The following SMG6 variants were observed in gnomAD, a reference collection of about 807,000 sequenced individuals.
SMG6 encodes the protein SMG6 nonsense mediated mRNA decay factor.
In SMG6, 66 loss-of-function variants were observed where a neutral mutation model predicts 142.2. The ratio of observed to expected loss-of-function variants is 0.46; its 90% CI spans 0.38 to 0.57. SMG6 has a LOEUF of 0.57. Among genes scored for constraint, SMG6 ranks in the 20% least tolerant of loss-of-function variants. The probability of loss-of-function intolerance (pLI) is 0.00; values close to 1 mark genes in which losing one functional copy is unlikely to be tolerated. For missense variants in SMG6, 1,793 were observed against 1,832.0 expected (o/e 0.98, Z 0.39); for synonymous variants, 779 against 702.4 (o/e 1.11, Z -1.72).
At chr17:2,151,205 T>C (rs2070815089) in intron 13 of SMG6, among the ~76,000 whole-genome samples, 1 of 152,218 alleles carries the variant, frequency 6.6e-6, no homozygotes, top group Non-Finnish European at 1.5e-5. Flanking sequence ...CTAGCAGGGT[T>C]TTCCAGATGG....
At chr17:2,214,701 A>G (rs2072963348) in intron 10 of SMG6, among the ~76,000 whole-genome samples, 1 of 152,214 alleles carries the variant, frequency 6.6e-6, no homozygotes, top group African/African-American at 2.4e-5. Context: ...TCCATGCAAA[A>G]TCCTCCCGGT....
intron 15 of SMG6, among the ~76,000 whole-genome samples, chr17:2,080,745 C>T (rs2068396767): frequency 6.6e-6 from 1 of 151,914 alleles, no homozygotes; most frequent in South Asian, 2.1e-4. Context: ...AAGCGATTCT[C>T]TTGCCTCAGC....
chr17:2,199,843 G>C (rs552079336), intron 10 of SMG6: 1 of 151,856 alleles, frequency 6.6e-6, no homozygotes, highest in Admixed American at 6.6e-5. Flanking sequence ...GGGAGGCGGG[G>C]TTGCAGTGAA....
chr17:2,115,039 C>T (rs897083692), intron 13 of SMG6, among the ~76,000 whole-genome samples: 2 of 150,224 alleles, frequency 1.3e-5, no homozygotes, highest in African/African-American at 4.9e-5. Flanking sequence ...CTGGATCCTA[C>T]CAGGGTTGAT....
intron 15 of SMG6, among the ~76,000 whole-genome samples, chr17:2,072,237 G>C (rs2068124121): frequency 6.6e-6 from 1 of 152,154 alleles, no homozygotes; most frequent in Non-Finnish European, 1.5e-5. Context: ...CCCTGGCATG[G>C]AGTCAAGCGT....
At chr17:2,191,273 C>T (rs1046226758) in intron 10 of SMG6, among the ~76,000 whole-genome samples, 1 of 152,176 alleles carries the variant, frequency 6.6e-6, no homozygotes, top group Non-Finnish European at 1.5e-5. Context: ...AACCGTAAGA[C>T]GCTACTCCCT....
At chr17:2,277,842 T>G (rs1266984794) in intron 8 of SMG6, among the ~76,000 whole-genome samples, 3 of 152,104 alleles carry the variant, frequency 2.0e-5, no homozygotes, top group African/African-American at 7.2e-5. Context: ...CCTAAAAGTT[T>G]GAGACCAGCC....
intron 8 of SMG6, among the ~76,000 whole-genome samples, chr17:2,249,032 G>A (rs1458431860): frequency 1.7e-4 from 26 of 151,250 alleles, no homozygotes; most frequent in African/African-American, 4.6e-4. Context: ...GACTACAGGC[G>A]CCCGCCACCA....
intron 13 of SMG6, among the ~76,000 whole-genome samples, chr17:2,138,323 C>T (rs2070370284): frequency 1.3e-5 from 2 of 152,058 alleles, no homozygotes; most frequent in Admixed American, 1.3e-4. Context: ...AAGCCTGTCC[C>T]CCATCTACAG....
chr17:2,109,973 C>A (rs956471941), intron 13 of SMG6, among the ~76,000 whole-genome samples: 4 of 150,320 alleles, frequency 2.7e-5, no homozygotes, highest in Non-Finnish European at 4.4e-5. Flanking sequence ...GTCCCAACTA[C>A]TTGGGAGGCT....
At chr17:2,123,936 G>A (rs1467808631) in intron 13 of SMG6, among the ~76,000 whole-genome samples, 1 of 152,220 alleles carries the variant, frequency 6.6e-6, no homozygotes, top group Admixed American at 6.5e-5. Context: ...ATTTAACACT[G>A]CCCCAGCAAT....
At chr17:2,298,765 C>A in intron 2 of SMG6, 141 bp downstream of exon 2, 1 of 731,652 alleles carries the variant, frequency 1.4e-6, no homozygotes, top group Non-Finnish European at 2.2e-6. Flanking sequence ...GTTCTGTTTC[C>A]AACTGCCCTT....
intron 8 of SMG6, among the ~76,000 whole-genome samples, chr17:2,263,350 G>A (rs542289908): frequency 6.6e-6 from 1 of 152,222 alleles, no homozygotes; most frequent in African/African-American, 2.4e-5. Context: ...AGAGGCTGAT[G>A]ACACACTCAA....
intron 13 of SMG6, among the ~76,000 whole-genome samples, chr17:2,116,603 G>A (rs191064978): frequency 1.9e-4 from 29 of 152,098 alleles, no homozygotes; most frequent in African/African-American, 6.5e-4. Flanking sequence ...AAAATTAGCT[G>A]GGTGTGGTGG....
intron 13 of SMG6, among the ~76,000 whole-genome samples, chr17:2,092,108 C>G (rs1264672820): frequency 1.3e-5 from 2 of 152,084 alleles, no homozygotes; most frequent in Non-Finnish European, 2.9e-5. Context: ...GCCTCAGCCT[C>G]CTGAGTAGCT....
intron 13 of SMG6, among the ~76,000 whole-genome samples, chr17:2,130,489 C>T (rs1245633976): frequency 6.6e-6 from 1 of 151,508 alleles, no homozygotes; most frequent in Non-Finnish European, 1.5e-5. Flanking sequence ...CTCACTGGCT[C>T]AATGGAACAG....
At chr17:2,192,874 A>G (rs2072208862) in intron 10 of SMG6, among the ~76,000 whole-genome samples, 1 of 152,202 alleles carries the variant, frequency 6.6e-6, no homozygotes, top group Admixed American at 6.5e-5. Flanking sequence ...GACAAAAACA[A>G]AATCTCAGAG....
chr17:2,117,926 T>C (rs2069558048), intron 13 of SMG6, among the ~76,000 whole-genome samples: 1 of 149,110 alleles, frequency 6.7e-6, no homozygotes, highest in Non-Finnish European at 1.5e-5. Context: ...AAAGTTTTAG[T>C]TCTTATATTA....
chr17:2,162,517 G>GAAAAAAA, intron 13 of SMG6, among the ~76,000 whole-genome samples: 1 of 60,634 alleles, frequency 1.6e-5, no homozygotes, highest in Non-Finnish European at 3.1e-5. Context: ...CCCCATCTCA[G>GAAAAAAA]AAAAAAAAAA....
Sources: allele counts gnomAD v4.1 joint callset (sites outside exome capture counted in the v4.1 genomes callset), GRCh38; gene constraint gnomAD v4.1.1; transcripts MANE v1.5; gene names NCBI Gene and HGNC (gene_info 2026-07-23, HGNC 2026-07-21).